The following NFYC variants were observed in gnomAD, a reference collection of about 807,000 sequenced individuals.
NFYC encodes the protein CAAT box DNA-binding protein subunit C.
In NFYC, 25 loss-of-function variants were observed where a neutral mutation model predicts 53.1. The ratio of observed to expected loss-of-function variants is 0.47; its 90% CI spans 0.34 to 0.66. NFYC has a LOEUF of 0.66. NFYC is among the 30% of genes least tolerant of loss of function. NFYC has a pLI of 0.01. For missense variants in NFYC, 260 were observed against 422.7 expected, an observed-to-expected ratio of 0.62 and a Z score of 3.38; for synonymous variants, 145 against 152.6, an observed-to-expected ratio of 0.95 and a Z score of 0.37.
intron 6 of NFYC, among the ~76,000 whole-genome samples, chr1:40,761,922 C>T (rs1329575045): frequency 6.6e-6 from 1 of 151,528 alleles, no homozygotes; most frequent in Non-Finnish European, 1.5e-5. Flanking sequence ...CACGCCCACA[C>T]CCCCGCCACC....
At chr1:40,754,814 T>A (rs1256427432) in intron 5 of NFYC, among the ~76,000 whole-genome samples, 1 of 151,880 alleles carries the variant, frequency 6.6e-6, no homozygotes, top group Non-Finnish European at 1.5e-5. Context: ...TCTCTCGGGG[T>A]GTCATACAGC....
intron 5 of NFYC, 40 bp downstream of exon 5, chr1:40,753,286 G>A: frequency 1.4e-6 from 2 of 1,428,634 alleles, no homozygotes; most frequent in South Asian, 1.1e-5. Context: ...TGACTGAAGA[G>A]CGCTTTGTAT....
At chr1:40,694,977 G>A (rs535977300) in intron 1 of NFYC, among the ~76,000 whole-genome samples, 1 of 152,278 alleles carries the variant, frequency 6.6e-6, no homozygotes, top group East Asian at 1.9e-4. Context: ...TAGAGACTGG[G>A]CGCAGTGGCT....
rs778181661 is a variant in NFYC at position 40,770,515 on chromosome 1, C to G, written c.889-194C>G. ...TCTTCCCTGCCCACCACACACCCCC[C>G]CTCACACCGGGCTGGTGCCTCCTGT... On this transcript the variant is annotated intron_variant, in intron 9 of 9. Coordinates refer to ENST00000447388, the MANE Select transcript of NFYC (RefSeq NM_014223.5). The surrounding 1 kb of genome is among the most constrained non-coding windows in gnomAD (Gnocchi z 5.3). 1.1e-4 allele frequency: 170 copies of G among 1,556,656 alleles called. No homozygotes were observed. Among genetic ancestry groups the G allele is most frequent in the Non-Finnish European group, 1.3e-4 (150 of 1,149,900 alleles).
chr1:40,718,160 G>A (rs954037203), intron 1 of NFYC, among the ~76,000 whole-genome samples: 43 of 152,136 alleles, frequency 2.8e-4, no homozygotes, highest in Non-Finnish European at 1.5e-5. Flanking sequence ...CCTTGAAGGT[G>A]GTTAAGCAAT....
intron 9 of NFYC, among the ~76,000 whole-genome samples, 167 bp downstream of exon 9, chr1:40,769,582 T>G (rs535245653): frequency 1.3e-5 from 2 of 152,314 alleles, no homozygotes; most frequent in South Asian, 4.1e-4. Context: ...ACCTATCCTT[T>G]AGTTTTATAG....
intron 1 of NFYC, among the ~76,000 whole-genome samples, chr1:40,692,772 C>G (rs1406411526): frequency 6.6e-6 from 1 of 152,074 alleles, no homozygotes. Flanking sequence ...CTGTCCGAGC[C>G]TAGGAAGCAC....
intron 3 of NFYC, among the ~76,000 whole-genome samples, chr1:40,748,762 G>A (rs796320283): frequency 1.1e-4 from 17 of 152,174 alleles, no homozygotes; most frequent in South Asian, 1.0e-3. Flanking sequence ...ACAATTGATA[G>A]TAATTTTCCC....
chr1:40,770,375 G>A lies in NFYC; in HGVS notation c.889-334G>A, dbSNP rs1570773580. 7.8e-6 allele frequency: 12 copies of A among 1,534,202 alleles called. No individual in the cohort carries two copies. The East Asian group carries it at 1.2e-4, about 16-fold the overall frequency. ...TTCCAAGCTGCTGGTACAGTGGTTC[G>A]AATTGCTTGTGTTTGCCACAGAGGA... On this transcript the variant is annotated intron_variant, in intron 9 of 9. Transcript: ENST00000447388. This position sits in a 1 kb window ranked among gnomAD's most constrained non-coding sequence, Gnocchi z 5.3.
chr1:40,699,130 G>A (rs2148411486), intron 1 of NFYC, among the ~76,000 whole-genome samples: 1 of 151,958 alleles, frequency 6.6e-6, no homozygotes, highest in Admixed American at 6.6e-5. Context: ...CGCCTCTATT[G>A]CACTCCAGCC....
intron 8 of NFYC, 43 bp from the exon 9 acceptor site, chr1:40,769,313 C>G: frequency 6.3e-7 from 1 of 1,593,908 alleles, no homozygotes; most frequent in Non-Finnish European, 8.6e-7. Context: ...GTGGATCAGA[C>G]CCTGCAGCTG....
intron 1 of NFYC, among the ~76,000 whole-genome samples, chr1:40,701,261 G>C (rs778516986): frequency 6.6e-6 from 1 of 152,048 alleles, no homozygotes; most frequent in Non-Finnish European, 1.5e-5. Flanking sequence ...GATTACAGGT[G>C]CCTGCCACCA....
At chr1:40,713,280 T>C (rs1366891444) in intron 1 of NFYC, among the ~76,000 whole-genome samples, 1 of 152,252 alleles carries the variant, frequency 6.6e-6, no homozygotes, top group East Asian at 1.9e-4. Flanking sequence ...TCAGTCAGCA[T>C]TGGTGTCTGC....
intron 4 of NFYC, among the ~76,000 whole-genome samples, chr1:40,749,943 C>A (rs1645820323): frequency 6.6e-6 from 1 of 152,194 alleles, no homozygotes; most frequent in African/African-American, 2.4e-5. Context: ...TCCTGGTTTT[C>A]ACAGCTTAGT....
chr1:40,759,795 T>C (rs1646445492), intron 6 of NFYC, among the ~76,000 whole-genome samples: 1 of 151,728 alleles, frequency 6.6e-6, no homozygotes, highest in South Asian at 2.1e-4. Context: ...GGCTCAGAGG[T>C]GAGAAACAGT....
Position 40,701,258 on chromosome 1 carries a change from G to T in NFYC, c.-9+9391G>T, listed in dbSNP as rs1643420370. 2.0e-5 allele frequency among the ~76,000 whole-genome samples: 3 copies of T among 152,164 alleles called. No homozygotes were observed. In the South Asian group the frequency reaches 6.2e-4, roughly 32 times the overall value. ...AGCCTCCTGAGTAGCTGGGATTACAGGTGCCTGCCACCATGCCTGGCTAAT... is the reference window on the plus strand; with the variant it reads ...AGCCTCCTGAGTAGCTGGGATTACATGTGCCTGCCACCATGCCTGGCTAAT... On this transcript the variant is annotated intron_variant, in intron 1 of 9. Transcript: ENST00000447388.
chr1:40,739,272 AT>A (rs1645214448), intron 2 of NFYC, among the ~76,000 whole-genome samples: 1 of 152,182 alleles, frequency 6.6e-6, no homozygotes, highest in South Asian at 2.1e-4. Context: ...CTGTAGCTCA[AT>A]TTTTTAGGCC....
chr1:40,747,493 A>G (rs1261216703), intron 2 of NFYC, 41 bp from the exon 3 acceptor site: 2 of 1,448,938 alleles, frequency 1.4e-6, no homozygotes, highest in Non-Finnish European at 1.9e-6. Context: ...CACACTGTTG[A>G]TTGTCCCCAC....
chr1:40,707,927 AATCAGTT>A (rs1472654422), intron 1 of NFYC, among the ~76,000 whole-genome samples: 8 of 152,172 alleles, frequency 5.3e-5, no homozygotes, highest in Admixed American at 2.0e-4. Flanking sequence ...GCCCTAAATA[AATCAGTT>A]AGTCCATCAA....
Sources: allele counts gnomAD v4.1 joint callset (sites outside exome capture counted in the v4.1 genomes callset), GRCh38; gene constraint gnomAD v4.1.1; non-coding constraint Gnocchi (gnomAD v3.1); transcripts MANE v1.5; gene names NCBI Gene and HGNC (gene_info 2026-07-23, HGNC 2026-07-21).